LSM5: variants seen among roughly 807,000 people sequenced by gnomAD.
The protein encoded by LSM5 is LSM5 homolog, U6 small nuclear RNA and mRNA degradation associated, also known as U6 snRNA-associated Sm-like protein LSm5.
Under a neutral mutation model 13.8 loss-of-function variants are expected in LSM5, and 8 were observed. The observed-to-expected ratio is 0.58, with a 90% CI of 0.34 to 1.04. The LOEUF (loss-of-function observed/expected upper bound fraction) is 1.04, where lower values mean the gene tolerates loss of function less well. Among genes scored for constraint, LSM5 ranks in the 50% least tolerant of loss-of-function variants. The pLI, the probability that LSM5 is intolerant of heterozygous loss-of-function variation, is 0.03. For synonymous variants in LSM5, 35 were observed against 37.0 expected (o/e 0.95, Z 0.20); for missense variants, 80 against 108.1 (o/e 0.74, Z 1.15).
Position 32,487,763 on chromosome 7 carries a change from T to G in LSM5, c.171-6A>C, listed in dbSNP as rs1166110307. On this transcript the variant is annotated splice_region_variant and splice_polypyrimidine_tract_variant and intron_variant, in intron 3 of 4. Transcript: ENST00000450169. ...TTCCTTCTGGTGTGATTTCACTAAA[T>G]GAATAGATAAAATACAGTCAGGACA... 1 of 1,400,620 alleles carries G rather than the reference T, an allele frequency of 7.1e-7. No homozygotes were observed. Among genetic ancestry groups the G allele is most frequent in the Non-Finnish European group, 1.0e-6 (1 of 987,790 alleles). 86.8% of individuals were successfully genotyped at this position (1,400,620 alleles called of 1,614,324 possible).
At chr7:32,492,100 C>G (rs1213298846), upstream of LSM5, among the ~76,000 whole-genome samples, 1 of 151,688 alleles carries the variant, frequency 6.6e-6, no homozygotes, top group African/African-American at 2.4e-5. Context: ...TTCTTTTTGT[C>G]CAATCCTCAT....
chr7:32,486,694 G>C lies in LSM5; in HGVS notation c.*567C>G, dbSNP rs1786455658. 1 of 152,958 alleles carries C rather than the reference G, an allele frequency of 6.5e-6. No homozygotes were observed. The highest frequency in any genetic ancestry group is 6.5e-5 in the Admixed American group (1 of 15,282). The allele number at this position is 152,958 out of a possible 1,614,324, so 9.5% of individuals were successfully genotyped here. A position where few individuals can be genotyped will look rare whatever the true frequency, so the allele number is the denominator to read the frequency against. On this transcript the variant is annotated 3_prime_UTR_variant, in exon 5 of 5. Coordinates refer to ENST00000450169, the MANE Select transcript of LSM5 (RefSeq NM_012322.3). ...CAAATAGATAAAATTTCTATCTTTA[G>C]GGTAATTCCAATAGATAATTCCTGC... is the stretch of plus-strand genomic sequence containing the variant.
intron 1 of LSM5, 185 bp from the exon 2 acceptor site, chr7:32,489,529 G>C (rs1312618903): frequency 7.5e-6 from 4 of 532,396 alleles, no homozygotes; most frequent in African/African-American, 4.0e-5. Context: ...CCTTCCAAAA[G>C]AGTCTGTGGC....
In LSM5 at chr7:32,487,144, C is replaced by G; in HGVS notation, c.*117G>C. Reference sequence around the variant, plus strand: ...ATGGGTACACATCTTCAAAGCACTTCCCTTTAACGGGAAACTTAGCTTTAT... The same window carrying G: ...ATGGGTACACATCTTCAAAGCACTTGCCTTTAACGGGAAACTTAGCTTTAT... On this transcript the variant is annotated 3_prime_UTR_variant, in exon 5 of 5. Coordinates refer to ENST00000450169, the MANE Select transcript of LSM5 (RefSeq NM_012322.3). 2.4e-6 allele frequency: 2 copies of G among 847,170 alleles called. No homozygotes were observed. The highest frequency in any genetic ancestry group is 2.6e-5 in the East Asian group (1 of 38,266). The allele number at this position is 847,170 out of a possible 1,614,324, so 52.5% of individuals were successfully genotyped here. A position where few individuals can be genotyped will look rare whatever the true frequency, so the allele number is the denominator to read the frequency against.
chr7:32,485,520 C>T lies in LSM5; in HGVS notation c.*1741G>A, dbSNP rs1027815455. ...AGCAAAATACATGACTAACAGAAACCCATCAAGAATTCTTACAAATTAGTA... is the reference window on the plus strand; with the variant it reads ...AGCAAAATACATGACTAACAGAAACTCATCAAGAATTCTTACAAATTAGTA... On this transcript the variant is annotated 3_prime_UTR_variant, in exon 5 of 5. Coordinates refer to ENST00000450169, the MANE Select transcript of LSM5 (RefSeq NM_012322.3). 1 of 152,088 alleles carries T rather than the reference C, an allele frequency of 6.6e-6. No individual in the cohort carries two copies. The highest frequency in any genetic ancestry group is 1.5e-5 in the Non-Finnish European group (1 of 68,020). 9.4% of individuals were successfully genotyped at this position (152,088 alleles called of 1,614,324 possible).
intron 2 of LSM5, 127 bp from the exon 3 acceptor site, chr7:32,488,779 A>G: frequency 1.5e-6 from 1 of 683,540 alleles, no homozygotes; most frequent in Non-Finnish European, 2.6e-6. Flanking sequence ...GCTTAAGTGC[A>G]GTGGTACAAT....
rs1786478719 is a variant in LSM5, at chr7:32,487,614, G to C, written c.243+71C>G. The stretch of plus-strand genomic sequence containing the variant: ...CATTTAGTCAAGCAAGCAACATTAA[G>C]GTTAGTTCTGTAATCACTGCTCCCC... On this transcript the variant is annotated intron_variant, in intron 4 of 4. Transcript: ENST00000450169. The C allele has an allele frequency of 1.4e-5, 12 of 835,738 alleles. No homozygotes were observed. In the Admixed American group the frequency reaches 2.1e-4, roughly 15 times the overall value. The allele number at this position is 835,738 out of a possible 1,614,324, so 51.8% of individuals were successfully genotyped here.
upstream of LSM5, among the ~76,000 whole-genome samples, chr7:32,491,928 A>G (rs137863465): frequency 1.8e-5 from 2 of 112,298 alleles, no homozygotes; most frequent in African/African-American, 6.2e-5. Context: ...TGTGCACACT[A>G]CATTTTCAGG....
At chr7:32,491,546 G>A (rs779179030), upstream of LSM5, among the ~76,000 whole-genome samples, 7 of 152,126 alleles carry the variant, frequency 4.6e-5, no homozygotes, top group Non-Finnish European at 7.4e-5. Context: ...AGTAGTTTAC[G>A]TGATTAAATT....
At chr7:32,490,401 G>A, upstream of LSM5, 1 of 1,560,846 alleles carries the variant, frequency 6.4e-7, no homozygotes, top group Non-Finnish European at 8.8e-7. Context: ...CATTGATGGT[G>A]GGACGACTTT....
chr7:32,491,240 T>C (rs1786577667), upstream of LSM5, among the ~76,000 whole-genome samples: 1 of 151,828 alleles, frequency 6.6e-6, no homozygotes, highest in East Asian at 1.9e-4. Context: ...CTACTAAAAA[T>C]ACAAAAATTA....
chr7:32,489,976 T>A, intron 1 of LSM5: 1 of 1,214,086 alleles, frequency 8.2e-7, no homozygotes. Context: ...TAACATGGTC[T>A]ATCTAATCTG....
intron 1 of LSM5, chr7:32,489,568 G>A (rs1220078666): frequency 4.3e-6 from 2 of 467,594 alleles, no homozygotes; most frequent in Non-Finnish European, 7.5e-6. Flanking sequence ...TTCAATCACG[G>A]CCACGACCAC....
At chr7:32,490,104 T>C (rs1236039011) in intron 1 of LSM5, 1 of 1,521,186 alleles carries the variant, frequency 6.6e-7, no homozygotes, top group African/African-American at 1.4e-5. Context: ...CCAGTGAAGG[T>C]CTGGTTTGAG....
upstream of LSM5, among the ~76,000 whole-genome samples, chr7:32,494,249 G>A (rs894822048): frequency 1.3e-5 from 2 of 152,156 alleles, no homozygotes; most frequent in African/African-American, 4.8e-5. Flanking sequence ...ACATCACACA[G>A]CTGACAGCTC....
chr7:32,488,460 A>C (rs762301340), intron 3 of LSM5, 165 bp downstream of exon 3: 2 of 565,860 alleles, frequency 3.5e-6, no homozygotes, highest in South Asian at 2.4e-5. Context: ...AATTACATTA[A>C]GGTAATAACA....
At chr7:32,493,556 T>C (rs569509202), upstream of LSM5, among the ~76,000 whole-genome samples, 1 of 152,138 alleles carries the variant, frequency 6.6e-6, no homozygotes, top group Non-Finnish European at 1.5e-5. Context: ...CTTTATTTTT[T>C]TGAGATGGAG....
At chr7:32,490,957 C>A (rs1480206784), upstream of LSM5, 1 of 153,328 alleles carries the variant, frequency 6.5e-6, no homozygotes, top group Admixed American at 6.5e-5. Context: ...AATTCAGTTT[C>A]TTCAACAATT....
At chr7:32,494,361 C>T (rs974559829), upstream of LSM5, among the ~76,000 whole-genome samples, 12 of 151,816 alleles carry the variant, frequency 7.9e-5, no homozygotes, top group African/African-American at 2.9e-4. Flanking sequence ...TTTTGTAATA[C>T]AGAAAAGAAA....
Sources: gnomAD v4.1 joint callset for allele counts (sites outside exome capture counted in the v4.1 genomes callset) on GRCh38, gnomAD v4.1.1 for gene constraint, MANE v1.5 for transcripts, NCBI Gene and HGNC (gene_info 2026-07-23, HGNC 2026-07-21) for gene names.